The following TMCO6 variants were observed in gnomAD, a reference collection of about 807,000 sequenced individuals.
TMCO6 encodes the protein transmembrane and coiled-coil domain-containing protein 6.
A neutral mutation model predicts 61.8 loss-of-function variants in TMCO6; 47 were observed. The observed-to-expected ratio is 0.76, with a 90% CI of 0.60 to 0.97. The LOEUF (loss-of-function observed/expected upper bound fraction) is 0.97, where lower values mean the gene tolerates loss of function less well. Among genes scored for constraint, TMCO6 ranks in the 50% least tolerant of loss-of-function variants. The pLI is 0.00. For missense variants in TMCO6, 557 were observed against 601.6 expected, an observed-to-expected ratio of 0.93 and a Z score of 0.78; for synonymous variants, 261 against 254.2, an observed-to-expected ratio of 1.03 and a Z score of -0.25.
At position 140,639,604 on chromosome 5, in the gene TMCO6, G is replaced by A. The variant is rs1021668916; in HGVS notation, c.77G>A (p.Arg26Gln). ...VEELRRRRRE[R>Q]EAALRKARRE... The stretch of plus-strand genomic sequence containing the variant: ...GAGCTACGGCGCCGCCGGCGGGAGC[G>A]GGAGGCAGGTGTGGGCGGCCGAGGG... The change falls in exon 1 of 12, where the codon CGG (arginine) becomes CAG (glutamine). Residue 26 changes from arginine to glutamine, a missense_variant. Transcript: ENST00000394671. The A allele has an allele frequency of 1.0e-5, 16 of 1,543,724 alleles. No homozygotes were observed. The African/African-American group carries it at 2.2e-4, about 21-fold the overall frequency.
chr5:140,644,003 A>G (rs1757220671), intron 9 of TMCO6, 37 bp downstream of exon 9: 2 of 1,613,502 alleles, frequency 1.2e-6, no homozygotes, highest in Non-Finnish European at 1.7e-6. Context: ...GGACATTTGG[A>G]TAATGGGGAT....
chr5:140,636,720 C>T (rs1756778906), upstream of TMCO6, among the ~76,000 whole-genome samples: 1 of 152,068 alleles, frequency 6.6e-6, no homozygotes, highest in Admixed American at 6.6e-5. Context: ...GATATTTTAA[C>T]ATGCTGTTTT....
chr5:140,625,229 C>T, the TMCO6 span, among the ~76,000 whole-genome samples: 1 of 152,164 alleles, frequency 6.6e-6, no homozygotes, highest in African/African-American at 2.4e-5. Context: ...TTACTTTCAA[C>T]ACAGCAGCTA....
In TMCO6 at chr5:140,639,762, C is replaced by A. The variant is rs1403136576; in HGVS notation, c.109C>A (p.Gln37Lys). ...EAALRKARRE[Q>K]QLVSKRLLRN... ...AGCACTGCGGAAGGCGCGGAGGGAGCAGCAGCTGGTCAGCAAGAGGCTGCT... is the reference window on the plus strand; with the variant it reads ...AGCACTGCGGAAGGCGCGGAGGGAGAAGCAGCTGGTCAGCAAGAGGCTGCT... The change falls in exon 2 of 12, where the codon CAG becomes AAG. Residue 37 changes from glutamine (Q) to lysine (K), a missense_variant. Transcript: ENST00000394671. 1.9e-6 allele frequency: 3 copies of A among 1,602,684 alleles called. No homozygotes were observed. Among genetic ancestry groups the A allele is most frequent in the South Asian group, 2.3e-5 (2 of 88,474 alleles).
chr5:140,608,487 A>C, the TMCO6 span, among the ~76,000 whole-genome samples: 4 of 152,194 alleles, frequency 2.6e-5, no homozygotes, highest in Non-Finnish European at 4.4e-5. Flanking sequence ...CTTTTGATGC[A>C]CAAAAGCTTT....
chr5:140,610,755 C>T, the TMCO6 span, among the ~76,000 whole-genome samples: 1 of 152,268 alleles, frequency 6.6e-6, no homozygotes, highest in South Asian at 2.1e-4. Flanking sequence ...ACCTCTAGTA[C>T]AATGTTGAAT....
chr5:140,636,753 T>C (rs1306267244), upstream of TMCO6, among the ~76,000 whole-genome samples: 1 of 152,154 alleles, frequency 6.6e-6, no homozygotes, highest in Non-Finnish European at 1.5e-5. Flanking sequence ...GCAGACTTCA[T>C]TGATTAACTC....
At chr5:140,604,491 T>A in the TMCO6 span, among the ~76,000 whole-genome samples, 2 of 151,954 alleles carry the variant, frequency 1.3e-5, no homozygotes, top group Non-Finnish European at 2.9e-5. Context: ...ATCAGATATA[T>A]AATTTTCATA....
chr5:140,647,444 C>A (rs886552960), downstream of TMCO6: 4 of 1,606,910 alleles, frequency 2.5e-6, no homozygotes, highest in African/African-American at 2.7e-5. Context: ...GTGACCCTGG[C>A]GTCCCGAAGC....
chr5:140,622,724 C>CAAAAAAAAAAAA, the TMCO6 span, among the ~76,000 whole-genome samples: 3 of 105,790 alleles, frequency 2.8e-5, no homozygotes, highest in Non-Finnish European at 4.2e-5. Context: ...GCTTTAGCTA[C>CAAAAAAAAAAAA]AAAAAAAAAA....
chr5:140,645,325 G>T lies in TMCO6; in HGVS notation c.*227G>T. 1 of 726,418 alleles carries T rather than the reference G, an allele frequency of 1.4e-6. No homozygotes were observed. The allele number at this position is 726,418 out of a possible 1,614,324, so 45.0% of individuals were successfully genotyped here. On this transcript the variant is annotated 3_prime_UTR_variant, in exon 12 of 12. Coordinates refer to ENST00000394671, the MANE Select transcript of TMCO6 (RefSeq NM_018502.5). The stretch of plus-strand genomic sequence containing the variant: ...CTTACTCTGGGGCCCTAGAATCCCT[G>T]CCCCCCCGCCACCCTTCATGTTTGC...
At chr5:140,604,472 T>C in the TMCO6 span, among the ~76,000 whole-genome samples, 1 of 151,886 alleles carries the variant, frequency 6.6e-6, no homozygotes, top group Non-Finnish European at 1.5e-5. Flanking sequence ...TACTGCATAC[T>C]AGACCCTTAT....
chr5:140,637,264 C>T (rs958766077), upstream of TMCO6, among the ~76,000 whole-genome samples: 6 of 152,096 alleles, frequency 3.9e-5, no homozygotes, highest in Admixed American at 1.3e-4. Context: ...AGGGCTAAGT[C>T]GGCCACAATT....
the TMCO6 span, among the ~76,000 whole-genome samples, chr5:140,628,572 G>A: frequency 6.6e-6 from 1 of 152,124 alleles, no homozygotes; most frequent in East Asian, 1.9e-4. Context: ...CCAAATAGCT[G>A]GGATTACAGG....
At chr5:140,615,309 C>T in the TMCO6 span, among the ~76,000 whole-genome samples, 13 of 152,154 alleles carry the variant, frequency 8.5e-5, no homozygotes, top group Middle Eastern at 6.8e-3. Flanking sequence ...TACAAATAAA[C>T]AGAAAGTTAA....
At chr5:140,613,884 G>GT in the TMCO6 span, among the ~76,000 whole-genome samples, 414 of 149,110 alleles carry the variant, frequency 2.8e-3, no homozygotes, top group African/African-American at 6.7e-3. Context: ...ATCTCTCATC[G>GT]TTTTTTTTTG....
At chr5:140,618,060 G>T in the TMCO6 span, among the ~76,000 whole-genome samples, 3 of 152,154 alleles carry the variant, frequency 2.0e-5, no homozygotes, top group Non-Finnish European at 2.9e-5. Context: ...TATTGGTGAA[G>T]AAAATAGAAC....
Position 140,644,129 on chromosome 5 carries a change from C to A in TMCO6, c.1135C>A (p.Leu379Ile), listed in dbSNP as rs989079930. Residue 379 changes from leucine to isoleucine, a missense_variant, in exon 10 of 12, where the codon CTC becomes ATC. Physicochemically the swap from Leu to Ile is conservative, Grantham distance 5. Transcript: ENST00000394671. ...CAGTCCTAGTTTCTGTACCTCCTTG[C>A]TCTCCCTGGATCTGATTGAGCCTCT... ...ANSPSFCTSL[L>I]SLDLIEPLLQ... 1.9e-6 allele frequency: 3 copies of A among 1,614,240 alleles called. No individual in the cohort carries two copies. The Admixed American group carries it at 5.0e-5, about 27-fold the overall frequency.
the TMCO6 span, among the ~76,000 whole-genome samples, chr5:140,619,547 T>A: frequency 4.0e-5 from 6 of 151,860 alleles, no homozygotes; most frequent in Non-Finnish European, 7.4e-5. Flanking sequence ...TTGGGGGGTA[T>A]GCCTGCAGCT....
Sources: gnomAD v4.1 joint callset for allele counts (sites outside exome capture counted in the v4.1 genomes callset) on GRCh38, gnomAD v4.1.1 for gene constraint, MANE v1.5 for transcripts, NCBI Gene and HGNC (gene_info 2026-07-23, HGNC 2026-07-21) for gene names.